PIEZO1: variants seen among roughly 807,000 people sequenced by gnomAD.
PIEZO1 encodes the protein piezo-type mechanosensitive ion channel component 1.
Under a neutral mutation model 297.2 loss-of-function variants are expected in PIEZO1, and 296 were observed. That is an observed-to-expected ratio of 1.00 (90% CI 0.91 to 1.10). The LOEUF is 1.10. Ranked by LOEUF, PIEZO1 falls within the 50% of genes least tolerant of loss-of-function variation. The probability of loss-of-function intolerance (pLI) is 0.00; values close to 1 mark genes in which losing one functional copy is unlikely to be tolerated. For synonymous variants in PIEZO1, 2,427 were observed against 1,507.5 expected (o/e 1.61, Z -14.13); for missense variants, 5,018 against 3,455.5 (o/e 1.45, Z -11.34).
At chr16:88,782,625 G>C (rs1196671756) in intron 1 of PIEZO1, among the ~76,000 whole-genome samples, 1 of 152,224 alleles carries the variant, frequency 6.6e-6, no homozygotes, top group African/African-American at 2.4e-5. Flanking sequence ...CTGAGCCAGC[G>C]CAGGCACACA....
intron 5 of PIEZO1, 153 bp downstream of exon 5, chr16:88,741,325 G>C (rs559685926): frequency 1.3e-4 from 85 of 678,016 alleles, no homozygotes; most frequent in Non-Finnish European, 1.8e-4. Context: ...CTGGGCCCCG[G>C]GGTGGGATTT....
In PIEZO1 at chr16:88,725,059, G is replaced by A. The variant is rs1904328487; in HGVS notation, c.4184C>T (p.Ser1395Phe). Residue 1395 changes from serine (S) to phenylalanine (F), a missense_variant, in exon 30 of 51, where the codon TCC becomes TTC. Ser to Phe is a radical substitution (Grantham distance 155, BLOSUM62 -2). Transcript: ENST00000301015. ...LEPGPDSPGGSSPPRRQWWRP... is the reference protein window; with the variant it reads ...LEPGPDSPGGFSPPRRQWWRP... ...CCACCACTGCCTCCGTGGCGGGGAG[G>A]AGCCCCCTGGACTGTCGGGCCCTGT... is the stretch of plus-strand genomic sequence containing the variant. 5 of 1,501,330 alleles carry A rather than the reference G, an allele frequency of 3.3e-6. No homozygotes were observed. The South Asian group carries it at 6.5e-5, about 20-fold the overall frequency. The allele number at this position is 1,501,330 out of a possible 1,614,324, so 93.0% of individuals were successfully genotyped here.
intron 1 of PIEZO1, among the ~76,000 whole-genome samples, chr16:88,756,634 G>T (rs963506473): frequency 2.0e-5 from 3 of 152,100 alleles, no homozygotes; most frequent in Non-Finnish European, 2.9e-5. Context: ...TGGGTGTGGT[G>T]GTGGGTGCCT....
chr16:88,725,798 C>G (rs1904382216), intron 27 of PIEZO1, 114 bp from the exon 28 acceptor site: 1 of 663,394 alleles, frequency 1.5e-6, no homozygotes, highest in Non-Finnish European at 2.7e-6. Flanking sequence ...TCTGCCCACG[C>G]TGGACAAGAG....
At chr16:88,765,561 C>T (rs1347241474) in intron 1 of PIEZO1, among the ~76,000 whole-genome samples, 5 of 152,210 alleles carry the variant, frequency 3.3e-5, no homozygotes, top group Admixed American at 6.5e-5. Context: ...AGAAGCACTG[C>T]CCGGACACGT....
At position 88,732,744 on chromosome 16, in the gene PIEZO1, C is replaced by T; in HGVS notation, c.2665-12G>A. 2.0e-6 allele frequency: 3 copies of T among 1,536,956 alleles called. No homozygotes were observed. The highest frequency in any genetic ancestry group is 2.6e-6 in the Non-Finnish European group (3 of 1,139,016). On this transcript the variant is annotated splice_polypyrimidine_tract_variant and intron_variant, in intron 19 of 50. Coordinates refer to ENST00000301015, the MANE Select transcript of PIEZO1 (RefSeq NM_001142864.4). Reference sequence around the variant, plus strand: ...CTGTTGGGGAAGGGCTGGCAAGAGGCCAGGCATCAGTGCCCCCTCCCAGGC... The same window carrying T: ...CTGTTGGGGAAGGGCTGGCAAGAGGTCAGGCATCAGTGCCCCCTCCCAGGC...
chr16:88,742,999 C>A, intron 2 of PIEZO1: 1 of 453,086 alleles, frequency 2.2e-6, no homozygotes, highest in Non-Finnish European at 4.4e-6. Flanking sequence ...CCCATGGCCA[C>A]CCTGGCATTT....
Position 88,716,474 on chromosome 16 carries a change from C to G in PIEZO1, c.6936G>C (p.Ala2312=). 2 of 1,547,252 alleles carry G rather than the reference C, an allele frequency of 1.3e-6. No homozygotes were observed. The highest frequency in any genetic ancestry group is 1.7e-6 in the Non-Finnish European group (2 of 1,145,104). The part of the protein sequence containing the change: ...RFTWNFQRDL[A]KGGTVEYANE... Reference sequence around the variant, plus strand: ...TGGCATACTCCACAGTGCCTCCCTTCGCCAGGTCCCTGGGGGTGGGAACAC... The same window carrying G: ...TGGCATACTCCACAGTGCCTCCCTTGGCCAGGTCCCTGGGGGTGGGAACAC... The change falls in exon 48 of 51, where the codon GCG becomes GCC. Residue 2312 remains alanine, a synonymous_variant. Transcript: ENST00000301015.
intron 22 of PIEZO1, among the ~76,000 whole-genome samples, chr16:88,730,141 G>A (rs573439652): frequency 4.6e-5 from 7 of 152,380 alleles, no homozygotes; most frequent in African/African-American, 1.2e-4. Context: ...GGGCCCAGAG[G>A]CTGAGGCAGC....
In PIEZO1 at chr16:88,716,650, G is replaced by A. The variant is rs544281438; in HGVS notation, c.6835C>T (p.Arg2279Cys). 4.3e-5 allele frequency: 66 copies of A among 1,549,446 alleles called. No individual in the cohort carries two copies. The highest frequency in any genetic ancestry group is 1.8e-4 in the Admixed American group (9 of 51,016). Residue 2279 changes from arginine to cysteine, a missense_variant, in exon 47 of 51, where the codon CGC (arginine) becomes TGC (cysteine). By Grantham distance (180) the Arg-to-Cys change is radical (BLOSUM62 -3). Transcript: ENST00000301015. ...QIEGSSGALWRISPPSRAQMK... is the reference protein window; with the variant it reads ...QIEGSSGALWCISPPSRAQMK... ...TGGGCACGGCTGGGGGGACTGATGCGCCACAGCGCCCCGGAGCTGCCCTCA... is the reference window on the plus strand; with the variant it reads ...TGGGCACGGCTGGGGGGACTGATGCACCACAGCGCCCCGGAGCTGCCCTCA...
intron 16 of PIEZO1, 29 bp downstream of exon 16, chr16:88,734,327 A>G: frequency 6.7e-7 from 1 of 1,482,522 alleles, no homozygotes; most frequent in Non-Finnish European, 9.0e-7. Context: ...ACACCTCTCC[A>G]GGGCCGGACA....
rs902194588 is a variant in PIEZO1, at chr16:88,715,716, G to A, written c.7455C>T (p.Phe2485=). ...DRILKLCQDI[F]LVRETRELEL... Reference sequence around the variant, plus strand: ...CCAGCTCCCGAGTCTCCCGCACCAGGAAGATGTCCTGGCAGAGCTTGAGGA... The same window carrying A: ...CCAGCTCCCGAGTCTCCCGCACCAGAAAGATGTCCTGGCAGAGCTTGAGGA... Residue 2485 remains phenylalanine, a synonymous_variant, in exon 51 of 51, where the codon TTC becomes TTT. Coordinates refer to ENST00000301015, the MANE Select transcript of PIEZO1 (RefSeq NM_001142864.4). 3.9e-6 allele frequency: 6 copies of A among 1,550,342 alleles called. No individual in the cohort carries two copies. Among genetic ancestry groups the A allele is most frequent in the Non-Finnish European group, 4.4e-6 (5 of 1,146,978 alleles).
In PIEZO1 at chr16:88,715,782, C is replaced by T. The variant is rs536609140; in HGVS notation, c.7389G>A (p.Ser2463=). 245 of 1,550,266 alleles carry T rather than the reference C, an allele frequency of 1.6e-4. 2 individuals are homozygous for T. In the South Asian group the frequency reaches 2.4e-3, roughly 15 times the overall value. The change falls in exon 51 of 51, where the codon TCG becomes TCA. Residue 2463 remains serine (S), a synonymous_variant. Transcript: ENST00000301015. ...KFVRGFFSEI[S]HSIMFEELPC... ...GCAGCTCCTCGAACATAATGGAGTG[C>T]GAGATCTCGCTGAAGAATCCGCGCA... is the stretch of plus-strand genomic sequence containing the variant.
At chr16:88,743,861 C>T in intron 2 of PIEZO1, 1 of 340,022 alleles carries the variant, frequency 2.9e-6, no homozygotes, top group Admixed American at 3.9e-5. Context: ...GACCTCTGAC[C>T]TGTGGAGGAT....
At chr16:88,749,977 G>C (rs1443699206) in intron 1 of PIEZO1, among the ~76,000 whole-genome samples, 1 of 151,632 alleles carries the variant, frequency 6.6e-6, no homozygotes, top group African/African-American at 2.4e-5. Context: ...ACACTGAGAT[G>C]GCACCACTGC....
At chr16:88,754,785 A>T (rs1343513052) in intron 1 of PIEZO1, among the ~76,000 whole-genome samples, 1 of 152,186 alleles carries the variant, frequency 6.6e-6, no homozygotes, top group African/African-American at 2.4e-5. Flanking sequence ...CGAGAGCAGG[A>T]CGTGGTGCAG....
At chr16:88,724,016 C>T in intron 30 of PIEZO1, 45 bp from the exon 31 acceptor site, 1 of 1,212,056 alleles carries the variant, frequency 8.3e-7, no homozygotes, top group Non-Finnish European at 1.2e-6. Context: ...TGCAGGGAGA[C>T]TCCCAGCCAG....
At chr16:88,735,671 G>T (rs1054810515) in intron 12 of PIEZO1, among the ~76,000 whole-genome samples, 1 of 152,274 alleles carries the variant, frequency 6.6e-6, no homozygotes. Context: ...CCTGCAAACA[G>T]GTGTCCAGAC....
intron 1 of PIEZO1, among the ~76,000 whole-genome samples, chr16:88,779,453 G>T (rs1248277780): frequency 1.3e-5 from 2 of 152,184 alleles, no homozygotes; most frequent in African/African-American, 4.8e-5. Flanking sequence ...CAATGACCGT[G>T]CGGGGCCCCC....
Sources: allele counts gnomAD v4.1 joint callset (sites outside exome capture counted in the v4.1 genomes callset), GRCh38; gene constraint gnomAD v4.1.1; transcripts MANE v1.5; gene names NCBI Gene and HGNC (gene_info 2026-07-23, HGNC 2026-07-21).